TRHDE: variants seen among roughly 807,000 people sequenced by gnomAD.
The protein encoded by TRHDE is thyrotropin releasing hormone degrading enzyme.
TRHDE carries 72 observed loss-of-function variants against 125.7 expected under a neutral mutation model. The ratio of observed to expected loss-of-function variants is 0.57; its 90% CI spans 0.47 to 0.70. The LOEUF (loss-of-function observed/expected upper bound fraction) is 0.70. Ranked by LOEUF, TRHDE falls within the 30% of genes least tolerant of loss-of-function variation. TRHDE has a pLI of 0.00. For missense variants in TRHDE, 1,110 were observed against 1,327.1 expected, an observed-to-expected ratio of 0.84 and a Z score of 2.54; for synonymous variants, 509 against 509.1, an observed-to-expected ratio of 1.00 and a Z score of 0.00.
intron 3 of TRHDE, among the ~76,000 whole-genome samples, chr12:72,379,682 C>G (rs1872056342): frequency 6.6e-6 from 1 of 152,212 alleles, no homozygotes. Context: ...TGTCAGCTTG[C>G]AGCAGGAAGC....
At chr12:72,156,037 C>A (rs1394516132) in intron 2 of TRHDE, among the ~76,000 whole-genome samples, 1 of 152,210 alleles carries the variant, frequency 6.6e-6, no homozygotes, top group Admixed American at 6.5e-5. Context: ...CTGCAGTGGG[C>A]TCCACCCAGT....
chr12:72,514,102 T>C (rs1592502587), intron 6 of TRHDE, among the ~76,000 whole-genome samples: 1 of 152,048 alleles, frequency 6.6e-6, no homozygotes, highest in African/African-American at 2.4e-5. Flanking sequence ...GACTAGAAGG[T>C]ATCCCCAGAC....
intron 12 of TRHDE, among the ~76,000 whole-genome samples, chr12:72,598,518 T>TC (rs972865512): frequency 6.6e-6 from 1 of 152,160 alleles, no homozygotes; most frequent in African/African-American, 2.4e-5. Flanking sequence ...CTATATCAAG[T>TC]CTGGAAACCT....
At chr12:72,661,902 T>A (rs1467605216) in intron 18 of TRHDE, among the ~76,000 whole-genome samples, 4 of 152,184 alleles carry the variant, frequency 2.6e-5, no homozygotes, top group African/African-American at 4.8e-5. Flanking sequence ...GATACAGTTA[T>A]CCATTGCTAA....
chr12:72,613,732 C>G (rs1362088419), intron 12 of TRHDE, among the ~76,000 whole-genome samples: 6 of 152,040 alleles, frequency 3.9e-5, no homozygotes, highest in Non-Finnish European at 8.8e-5. Flanking sequence ...GTGCCTAAGT[C>G]AAGTTTGGGA....
intron 2 of TRHDE, among the ~76,000 whole-genome samples, chr12:72,310,873 AT>A (rs562413958): frequency 6.6e-6 from 1 of 152,050 alleles, no homozygotes; most frequent in Non-Finnish European, 1.5e-5. Flanking sequence ...GAATGTCACA[AT>A]TTTTTTTAAA....
intron 12 of TRHDE, among the ~76,000 whole-genome samples, chr12:72,589,170 A>G (rs1832235574): frequency 2.0e-5 from 3 of 152,180 alleles, no homozygotes; most frequent in African/African-American, 7.2e-5. Context: ...AGAGGTTCAC[A>G]TATCATAGTT....
At chr12:72,430,071 A>G (rs1175122295) in intron 3 of TRHDE, among the ~76,000 whole-genome samples, 4 of 151,492 alleles carry the variant, frequency 2.6e-5, no homozygotes, top group African/African-American at 9.7e-5. Flanking sequence ...ATATCTAAAA[A>G]GGTTTTGCCT....
At chr12:72,480,849 C>G (rs1234056233) in intron 5 of TRHDE, among the ~76,000 whole-genome samples, 1 of 152,030 alleles carries the variant, frequency 6.6e-6, no homozygotes, top group Middle Eastern at 3.2e-3. Flanking sequence ...AAAAATTATA[C>G]CAAAATGACA....
intron 2 of TRHDE, among the ~76,000 whole-genome samples, chr12:72,168,246 A>G (rs776736121): frequency 1.3e-5 from 2 of 152,218 alleles, no homozygotes; most frequent in Non-Finnish European, 2.9e-5. Flanking sequence ...CTAGAATGAA[A>G]GGTTGACAAA....
intron 2 of TRHDE, among the ~76,000 whole-genome samples, chr12:72,170,757 C>A (rs575551721): frequency 6.6e-6 from 1 of 152,242 alleles, no homozygotes; most frequent in East Asian, 1.9e-4. Context: ...ATGTAGTAGA[C>A]AATTTATATG....
intron 2 of TRHDE, among the ~76,000 whole-genome samples, chr12:72,250,530 C>T (rs995305110): frequency 6.6e-6 from 1 of 152,020 alleles, no homozygotes; most frequent in Non-Finnish European, 1.5e-5. Context: ...AGAGAGTAAT[C>T]AGGAACCAGA....
intron 2 of TRHDE, chr12:72,264,091 G>T (rs1879012941): frequency 6.6e-6 from 1 of 151,874 alleles, no homozygotes; most frequent in Admixed American, 6.6e-5. Flanking sequence ...AACATGTTCA[G>T]GTGAAACCAT....
At chr12:72,197,940 C>G (rs1877477514) in intron 2 of TRHDE, among the ~76,000 whole-genome samples, 1 of 151,816 alleles carries the variant, frequency 6.6e-6, no homozygotes. Context: ...AATGCACATG[C>G]CCATACTCAA....
intron 12 of TRHDE, among the ~76,000 whole-genome samples, chr12:72,588,089 G>A (rs949273308): frequency 6.6e-6 from 1 of 152,090 alleles, no homozygotes; most frequent in East Asian, 1.9e-4. Context: ...AATAAAGATC[G>A]TAAGAAGCAT....
intron 2 of TRHDE, among the ~76,000 whole-genome samples, chr12:72,128,500 AT>A (rs1049545661): frequency 2.6e-5 from 4 of 152,174 alleles, no homozygotes; most frequent in East Asian, 1.9e-4. Context: ...CAGATGTTAA[AT>A]TTTTTTAGAC....
intron 12 of TRHDE, among the ~76,000 whole-genome samples, chr12:72,608,101 T>A (rs911739382): frequency 2.6e-5 from 4 of 152,158 alleles, no homozygotes; most frequent in African/African-American, 9.7e-5. Flanking sequence ...TTTTGAGATA[T>A]TTAATTGAGA....
At chr12:72,175,362 G>A (rs1372274593) in intron 2 of TRHDE, among the ~76,000 whole-genome samples, 2 of 152,190 alleles carry the variant, frequency 1.3e-5, no homozygotes, top group South Asian at 2.1e-4. Context: ...CTACCGTGGT[G>A]TTTGCAAAAG....
At chr12:72,168,696 C>T (rs1035246914) in intron 2 of TRHDE, among the ~76,000 whole-genome samples, 1 of 152,172 alleles carries the variant, frequency 6.6e-6, no homozygotes, top group Non-Finnish European at 1.5e-5. Context: ...TTCCCTCCAA[C>T]TGGAGATATT....
Sources: gnomAD v4.1 joint callset for allele counts (sites outside exome capture counted in the v4.1 genomes callset) on GRCh38, gnomAD v4.1.1 for gene constraint, MANE v1.5 for transcripts, NCBI Gene and HGNC (gene_info 2026-07-23, HGNC 2026-07-21) for gene names.